The following STK32B variants were observed in gnomAD, a reference collection of about 807,000 sequenced individuals.
The protein encoded by STK32B is serine/threonine kinase 32B, also known as serine/threonine-protein kinase 32B.
STK32B carries 43 observed loss-of-function variants against 52.6 expected under a neutral mutation model. That is an observed-to-expected ratio of 0.82 (90% CI 0.64 to 1.05). STK32B has a LOEUF of 1.05. Ranked by LOEUF, STK32B falls within the 50% of genes least tolerant of loss-of-function variation. The pLI, the probability that STK32B is intolerant of heterozygous loss-of-function variation, is 0.00. For missense variants in STK32B, 621 were observed against 534.6 expected, an observed-to-expected ratio of 1.16 and a Z score of -1.59; for synonymous variants, 238 against 204.3, an observed-to-expected ratio of 1.17 and a Z score of -1.41.
At chr4:5,465,355 G>A (rs1255914190) in intron 9 of STK32B, among the ~76,000 whole-genome samples, 2 of 152,152 alleles carry the variant, frequency 1.3e-5, no homozygotes, top group Middle Eastern at 3.4e-3. Flanking sequence ...GGGAGTTAGG[G>A]AAGCCAGGAC....
intron 3 of STK32B, among the ~76,000 whole-genome samples, chr4:5,319,354 G>C (rs1455180163): frequency 6.6e-6 from 1 of 152,150 alleles, no homozygotes. Flanking sequence ...TGCCTCAACT[G>C]CTCTCCTGCC....
At chr4:5,155,744 C>G (rs1489115996) in intron 2 of STK32B, among the ~76,000 whole-genome samples, 1 of 152,122 alleles carries the variant, frequency 6.6e-6, no homozygotes, top group Non-Finnish European at 1.5e-5. Context: ...AAGAAGGTGC[C>G]TGCTTTCCCT....
intron 3 of STK32B, among the ~76,000 whole-genome samples, chr4:5,258,725 T>G (rs1345842289): frequency 6.6e-6 from 1 of 152,190 alleles, no homozygotes; most frequent in African/African-American, 2.4e-5. Flanking sequence ...TCCTGGGTGA[T>G]TGTAACAGCT....
At position 5,439,030 on chromosome 4, in the gene STK32B, C is replaced by T. The variant is rs570421866; in HGVS notation, c.563-7643C>T. 7.3e-3 allele frequency among the ~76,000 whole-genome samples: 1,101 copies of T among 151,342 alleles called. 17 individuals are homozygous for T. Among genetic ancestry groups the T allele is most frequent in the African/African-American group, 0.025 (1,025 of 41,178 alleles). ...TTGGACATTTGGGTTGGTTCCAAGTCTTTGCTATTGTGAATAATGCCGCAA... is the reference window on the plus strand; with the variant it reads ...TTGGACATTTGGGTTGGTTCCAAGTTTTTGCTATTGTGAATAATGCCGCAA... On this transcript the variant is annotated intron_variant, in intron 6 of 11. Transcript: ENST00000282908.
chr4:5,029,407 T>C, the STK32B span, among the ~76,000 whole-genome samples: 1 of 152,012 alleles, frequency 6.6e-6, no homozygotes. Context: ...AAATTTCAGG[T>C]GTGGAAAACA....
rs375473537 is a variant in STK32B, at chr4:5,486,875, A to G, written c.1107-12070A>G. Among the ~76,000 whole-genome samples, 4 of 152,230 alleles carry G rather than the reference A, an allele frequency of 2.6e-5. 1 individual carries two copies. The highest frequency in any genetic ancestry group is 4.1e-4 in the South Asian group (2 of 4,836). On this transcript the variant is annotated intron_variant, in intron 11 of 11. Coordinates refer to ENST00000282908, the MANE Select transcript of STK32B (RefSeq NM_018401.3). ...AGGTTTCATAAGAAGGAGAAATATT[A>G]CATATTGCTCTTTGAGAAGTTTCAC...
At chr4:5,441,701 G>T (rs1047910194) in intron 6 of STK32B, among the ~76,000 whole-genome samples, 1 of 151,622 alleles carries the variant, frequency 6.6e-6, no homozygotes, top group Non-Finnish European at 1.5e-5. Flanking sequence ...ATGTTAGGGT[G>T]TCAATTTTGG....
intron 3 of STK32B, among the ~76,000 whole-genome samples, chr4:5,216,540 A>G (rs563211586): frequency 1.3e-5 from 2 of 152,284 alleles, no homozygotes; most frequent in African/African-American, 4.8e-5. Flanking sequence ...AAAAATAGAT[A>G]GGAGGAGTTT....
intron 3 of STK32B, among the ~76,000 whole-genome samples, chr4:5,327,627 G>T (rs1731963986): frequency 6.6e-6 from 1 of 151,988 alleles, no homozygotes; most frequent in African/African-American, 2.4e-5. Context: ...CTGTAAACTG[G>T]TGTGCTGTCA....
At chr4:5,177,416 C>T (rs114007737) in intron 3 of STK32B, among the ~76,000 whole-genome samples, 2,199 of 152,216 alleles carry the variant, frequency 0.014, 38 homozygotes, top group African/African-American at 0.05. Context: ...GACATGTGGG[C>T]ATTATAGGGA....
chr4:5,110,952 A>T (rs959714908), intron 1 of STK32B, among the ~76,000 whole-genome samples: 4 of 151,880 alleles, frequency 2.6e-5, no homozygotes, highest in Non-Finnish European at 5.9e-5. Context: ...GCTGGGCAAA[A>T]GACATGAAAA....
chr4:5,450,845 A>C (rs1246331389), intron 7 of STK32B, among the ~76,000 whole-genome samples: 1 of 152,082 alleles, frequency 6.6e-6, no homozygotes. Context: ...GTCCTTCCCA[A>C]TTTAGCATCT....
intron 1 of STK32B, among the ~76,000 whole-genome samples, chr4:5,088,116 A>T (rs894568603): frequency 6.6e-6 from 1 of 152,226 alleles, no homozygotes; most frequent in Non-Finnish European, 1.5e-5. Context: ...AACAGAAAAA[A>T]GCTAGGAATC....
At chr4:5,318,155 T>G (rs1444876101) in intron 3 of STK32B, among the ~76,000 whole-genome samples, 1 of 151,878 alleles carries the variant, frequency 6.6e-6, no homozygotes, top group Non-Finnish European at 1.5e-5. Flanking sequence ...GTGTGTGTGA[T>G]TGGGGGAAAG....
chr4:5,156,367 G>C (rs1005309759), intron 2 of STK32B, among the ~76,000 whole-genome samples: 1 of 152,088 alleles, frequency 6.6e-6, no homozygotes, highest in African/African-American at 2.4e-5. Context: ...GGTTTATATT[G>C]ATTGACTCAG....
At chr4:5,266,985 AC>A (rs1211460146) in intron 3 of STK32B, among the ~76,000 whole-genome samples, 1 of 151,708 alleles carries the variant, frequency 6.6e-6, no homozygotes, top group Non-Finnish European at 1.5e-5. Context: ...ATAAAGGCCA[AC>A]CAGAGGGCTC....
chr4:5,050,425 TG>T (rs1411784701), upstream of STK32B, among the ~76,000 whole-genome samples: 1 of 152,072 alleles, frequency 6.6e-6, no homozygotes, highest in Non-Finnish European at 1.5e-5. Flanking sequence ...TGTTTTGTTT[TG>T]TTTTGTTTTG....
chr4:5,042,902 C>G, the STK32B span, among the ~76,000 whole-genome samples: 3 of 151,436 alleles, frequency 2.0e-5, no homozygotes, highest in African/African-American at 7.3e-5. Context: ...GTCAGGAGAT[C>G]GAGACCATCC....
At chr4:5,263,950 CATA>C (rs1726890563) in intron 3 of STK32B, among the ~76,000 whole-genome samples, 1 of 152,304 alleles carries the variant, frequency 6.6e-6, no homozygotes, top group East Asian at 1.9e-4. Flanking sequence ...CTTTCACAAG[CATA>C]ATGTTTTTGA....
Sources: allele counts gnomAD v4.1 joint callset (sites outside exome capture counted in the v4.1 genomes callset), GRCh38; gene constraint gnomAD v4.1.1; transcripts MANE v1.5; gene names NCBI Gene and HGNC (gene_info 2026-07-23, HGNC 2026-07-21).